Variants in PTBP2 observed in about 807,000 individuals in gnomAD.
The protein encoded by PTBP2 is polypyrimidine tract-binding protein 2.
PTBP2 carries 13 observed loss-of-function variants against 61.4 expected under a neutral mutation model. The ratio of observed to expected loss-of-function variants is 0.21; its 90% CI spans 0.14 to 0.34. The LOEUF is 0.34. PTBP2 is among the 10% of genes least tolerant of loss of function. The probability of loss-of-function intolerance (pLI) is 1.00; values close to 1 mark genes in which losing one functional copy is unlikely to be tolerated. For synonymous variants in PTBP2, 215 were observed against 218.5 expected, an observed-to-expected ratio of 0.98 and a Z score of 0.14; for missense variants, 405 against 642.6, an observed-to-expected ratio of 0.63 and a Z score of 4.00.
At chr1:96,794,871 T>C (rs1026057191) in intron 8 of PTBP2, among the ~76,000 whole-genome samples, 1 of 152,186 alleles carries the variant, frequency 6.6e-6, no homozygotes, top group African/African-American at 2.4e-5. Flanking sequence ...CATTCAGTTA[T>C]GTGTGACGAA....
intron 5 of PTBP2, among the ~76,000 whole-genome samples, chr1:96,777,052 C>T (rs1057459580): frequency 5.3e-5 from 8 of 151,964 alleles, no homozygotes; most frequent in African/African-American, 1.9e-4. Context: ...CTAGACTACA[C>T]GTTGGTTTCT....
intron 3 of PTBP2, among the ~76,000 whole-genome samples, chr1:96,760,579 G>A (rs1655710922): frequency 6.6e-6 from 1 of 151,206 alleles, no homozygotes. Flanking sequence ...CTGAGTAGCT[G>A]GAACTACAGG....
At chr1:96,724,580 C>G (rs760531385) in intron 2 of PTBP2, among the ~76,000 whole-genome samples, 6 of 151,688 alleles carry the variant, frequency 4.0e-5, no homozygotes, top group Non-Finnish European at 8.8e-5. Context: ...TGTCATTTTT[C>G]ATTTGCAAGC....
intron 8 of PTBP2, among the ~76,000 whole-genome samples, chr1:96,796,801 A>AGAAAGGGGGTCACCATAAAGGTC (rs1660443699): frequency 6.6e-6 from 1 of 152,144 alleles, no homozygotes; most frequent in Non-Finnish European, 1.5e-5. Flanking sequence ...AAGGGAGAAT[A>AGAAAGGGGGTCACCATAAAGGTC]GAAAGGGGGT....
intron 11 of PTBP2, among the ~76,000 whole-genome samples, chr1:96,809,192 A>G (rs1470025008): frequency 6.6e-6 from 1 of 152,188 alleles, no homozygotes; most frequent in Admixed American, 6.5e-5. Flanking sequence ...GTGGATTTCA[A>G]TTCACTTTTC....
chr1:96,796,400 G>A (rs1391180873), intron 8 of PTBP2, among the ~76,000 whole-genome samples: 1 of 152,124 alleles, frequency 6.6e-6, no homozygotes, highest in African/African-American at 2.4e-5. Context: ...TGAAGCAAGG[G>A]AGAAAGAAGA....
chr1:96,766,509 AAC>A (rs1656718994), intron 3 of PTBP2, among the ~76,000 whole-genome samples: 1 of 152,166 alleles, frequency 6.6e-6, no homozygotes, highest in Admixed American at 6.5e-5. Context: ...GTAGAACTGT[AAC>A]ACAGGCAGAC....
intron 1 of PTBP2, 59 bp downstream of exon 1, chr1:96,721,931 CCCGGTCCCGGG>C: frequency 1.3e-6 from 2 of 1,554,560 alleles, no homozygotes; most frequent in East Asian, 4.8e-5. Flanking sequence ...CGTCCTTCGG[CCCGGTCCCGGG>C]CCGGGGAGAA....
chr1:96,799,101 AT>A (rs1198652452), intron 8 of PTBP2, among the ~76,000 whole-genome samples: 1 of 152,128 alleles, frequency 6.6e-6, no homozygotes, highest in African/African-American at 2.4e-5. Flanking sequence ...AAGGTTAGGA[AT>A]AATAGTGTCA....
intron 8 of PTBP2, among the ~76,000 whole-genome samples, chr1:96,793,338 T>C (rs1293832621): frequency 6.6e-6 from 1 of 152,162 alleles, no homozygotes; most frequent in Admixed American, 6.5e-5. Context: ...CTAAAGTAGA[T>C]AGAGTTGTTC....
chr1:96,797,261 GAAAA>G, intron 8 of PTBP2, among the ~76,000 whole-genome samples: 1 of 152,286 alleles, frequency 6.6e-6, no homozygotes, highest in East Asian at 1.9e-4. Flanking sequence ...TACCTTTGGA[GAAAA>G]GTTGAGGGAG....
exon 14 of PTBP2, chr1:96,821,759 G>A (rs1341018304): frequency 1.3e-5 from 2 of 152,224 alleles, no homozygotes; most frequent in East Asian, 1.9e-4. Flanking sequence ...CTTCCGAGTA[G>A]CTGGAATTAC....
exon 14 of PTBP2, chr1:96,823,275 A>G (rs1662740813): frequency 6.6e-6 from 1 of 152,322 alleles, no homozygotes; most frequent in Non-Finnish European, 1.5e-5. Context: ...TGAAATGTCA[A>G]GGCCATTTTA....
At chr1:96,766,327 A>G (rs1656697287) in intron 3 of PTBP2, among the ~76,000 whole-genome samples, 1 of 152,244 alleles carries the variant, frequency 6.6e-6, no homozygotes, top group Non-Finnish European at 1.5e-5. Flanking sequence ...ATATGCATAA[A>G]TAAAAGCATT....
intron 3 of PTBP2, among the ~76,000 whole-genome samples, chr1:96,760,517 C>T (rs1454002458): frequency 7.0e-6 from 1 of 142,466 alleles, no homozygotes; most frequent in Non-Finnish European, 1.5e-5. Context: ...ATGATCTCAG[C>T]TTACTGCAAC....
intron 8 of PTBP2, among the ~76,000 whole-genome samples, chr1:96,795,318 T>TA (rs1660265057): frequency 1.3e-5 from 2 of 152,066 alleles, no homozygotes; most frequent in African/African-American, 4.8e-5. Context: ...AAGAAACAAA[T>TA]ATGGGGAAAA....
intron 2 of PTBP2, among the ~76,000 whole-genome samples, chr1:96,724,108 TAAAG>T (rs771919079): frequency 2.0e-4 from 31 of 152,222 alleles, no homozygotes; most frequent in African/African-American, 7.2e-4. Flanking sequence ...GTTTGTCTAT[TAAAG>T]AAAGTCTTTA....
At chr1:96,773,513 A>G (rs1325074032) in intron 5 of PTBP2, among the ~76,000 whole-genome samples, 1 of 151,998 alleles carries the variant, frequency 6.6e-6, no homozygotes. Context: ...CATTCTCTTC[A>G]TCCCCCCTTT....
At chr1:96,779,936 C>G (rs1658464768) in intron 7 of PTBP2, among the ~76,000 whole-genome samples, 1 of 152,082 alleles carries the variant, frequency 6.6e-6, no homozygotes, top group Non-Finnish European at 1.5e-5. Context: ...GCCCTCTACT[C>G]TACTTTAAAA....
Sources: allele counts gnomAD v4.1 joint callset (sites outside exome capture counted in the v4.1 genomes callset), GRCh38; gene constraint gnomAD v4.1.1; transcripts MANE v1.5; gene names NCBI Gene and HGNC (gene_info 2026-07-23, HGNC 2026-07-21).